The following LAMB4 variants were observed in gnomAD, a reference collection of about 807,000 sequenced individuals.
LAMB4 encodes the protein laminin subunit beta 4.
Under a neutral mutation model 199.2 loss-of-function variants are expected in LAMB4, and 196 were observed. The observed-to-expected ratio is 0.98, with a 90% CI of 0.88 to 1.11. The LOEUF is 1.11. LAMB4 is among the 50% of genes least tolerant of loss of function. LAMB4 has a pLI of 0.00. For missense variants in LAMB4, 2,080 were observed against 2,171.2 expected (o/e 0.96, Z 0.83); for synonymous variants, 744 against 770.6 (o/e 0.97, Z 0.57).
chr7:108,109,198 C>A lies in LAMB4; in HGVS notation c.375G>T (p.Arg125=). ...SIRLDLEALF[R]FSHLILTFKT... ...TAAAGGTCAGGATAAGGTGGCTGAA[C>A]CGAAATAATGCCTCTAAGTCCAGTC... Residue 125 remains arginine, a synonymous_variant, in exon 5 of 34, where the codon CGG becomes CGT. Coordinates refer to ENST00000388781, the MANE Select transcript of LAMB4 (RefSeq NM_007356.3). The A allele has an allele frequency of 6.2e-7, 1 of 1,613,514 alleles. No homozygotes were observed. Among genetic ancestry groups the A allele is most frequent in the Non-Finnish European group, 8.5e-7 (1 of 1,179,654 alleles).
rs1179414511 is a variant in LAMB4 at position 108,105,804 on chromosome 7, A to G, written c.870+13T>C. On this transcript the variant is annotated intron_variant, in intron 8 of 33. Coordinates refer to ENST00000388781, the MANE Select transcript of LAMB4 (RefSeq NM_007356.3). ...GTAGGACAGCCCACTGTTCTTTTGGATTAATAACTCACCATTCCAGGAGGG... is the reference window on the plus strand; with the variant it reads ...GTAGGACAGCCCACTGTTCTTTTGGGTTAATAACTCACCATTCCAGGAGGG... 1 of 1,612,776 alleles carries G rather than the reference A, an allele frequency of 6.2e-7. No homozygotes were observed. Among genetic ancestry groups the G allele is most frequent in the Admixed American group, 1.7e-5 (1 of 60,006 alleles).
chr7:108,088,391 T>C (rs912428691), intron 14 of LAMB4, among the ~76,000 whole-genome samples: 1 of 152,192 alleles, frequency 6.6e-6, no homozygotes, highest in Non-Finnish European at 1.5e-5. Context: ...CTCAAACTCC[T>C]GACCTCAGGT....
chr7:108,057,779 T>C, intron 24 of LAMB4, 53 bp downstream of exon 24: 2 of 1,168,458 alleles, frequency 1.7e-6, no homozygotes, highest in Non-Finnish European at 2.6e-6. Context: ...AGCATGTCCA[T>C]GGTAGGGCCA....
At chr7:108,024,705 C>T (rs916777627) in intron 33 of LAMB4, among the ~76,000 whole-genome samples, 15 of 151,832 alleles carry the variant, frequency 9.9e-5, no homozygotes, top group Non-Finnish European at 1.8e-4. Context: ...ACCCATCCAT[C>T]GATCCATTGA....
intron 11 of LAMB4, among the ~76,000 whole-genome samples, chr7:108,097,349 A>G (rs981266521): frequency 1.5e-4 from 23 of 152,178 alleles, no homozygotes; most frequent in Admixed American, 1.4e-3. Flanking sequence ...GGGTCTGCTC[A>G]TTTGGCCTTA....
At position 108,023,902 on chromosome 7, in the gene LAMB4, C is replaced by CAGGT; in HGVS notation, c.*133_*136dup. The CAGGT allele has an allele frequency of 1.8e-6, 1 of 542,264 alleles. No homozygotes were observed. 33.6% of individuals were successfully genotyped at this position (542,264 alleles called of 1,614,324 possible). On this transcript the variant is annotated 3_prime_UTR_variant, in exon 34 of 34. Transcript: ENST00000388781. ...CATTTCAACCTCCAGCCACACTGAG[C>CAGGT]AGGTGTCTAATAAGGACAGGGTGTG...
intron 6 of LAMB4, 52 bp from the exon 7 acceptor site, chr7:108,106,624 G>T: frequency 9.8e-7 from 1 of 1,018,888 alleles, no homozygotes; most frequent in Non-Finnish European, 1.5e-6. Flanking sequence ...AAACGTAATT[G>T]TCAAACACAC....
chr7:108,084,731 G>GT (rs974792313), intron 14 of LAMB4, among the ~76,000 whole-genome samples: 1 of 143,010 alleles, frequency 7.0e-6, no homozygotes, highest in Admixed American at 7.0e-5. Context: ...AACCAGACTT[G>GT]TTTTGAATGC....
At chr7:108,056,268 A>G (rs1281169333) in intron 24 of LAMB4, among the ~76,000 whole-genome samples, 2 of 152,208 alleles carry the variant, frequency 1.3e-5, no homozygotes, top group African/African-American at 4.8e-5. Flanking sequence ...GCAAGCATCT[A>G]CAAGTGGGAT....
chr7:108,070,295 T>A (rs1247987607), intron 17 of LAMB4, among the ~76,000 whole-genome samples: 1 of 152,266 alleles, frequency 6.6e-6, no homozygotes, highest in East Asian at 1.9e-4. Flanking sequence ...TTTTGCTTTA[T>A]CTGTCCTGAA....
chr7:108,018,393 C>T, the LAMB4 span, among the ~76,000 whole-genome samples: 3 of 152,134 alleles, frequency 2.0e-5, no homozygotes, highest in African/African-American at 7.2e-5. Flanking sequence ...ATGTCCTCTG[C>T]AGGGTTGTCG....
intron 1 of LAMB4, among the ~76,000 whole-genome samples, 164 bp downstream of exon 1, chr7:108,130,142 T>C (rs889213928): frequency 3.9e-5 from 6 of 152,228 alleles, no homozygotes; most frequent in Admixed American, 2.0e-4. Flanking sequence ...AGAACCTTTA[T>C]TTAAGTGTCA....
chr7:108,119,164 C>T (rs1026852395), intron 2 of LAMB4, among the ~76,000 whole-genome samples: 4 of 152,094 alleles, frequency 2.6e-5, no homozygotes, highest in African/African-American at 7.2e-5. Context: ...ATGTGAAGAT[C>T]CCGCATACCC....
chr7:108,107,323 C>T (rs1299478765), intron 6 of LAMB4, among the ~76,000 whole-genome samples: 1 of 152,206 alleles, frequency 6.6e-6, no homozygotes, highest in Non-Finnish European at 1.5e-5. Context: ...CAGGCTGCTG[C>T]TAGCTTACAT....
intron 1 of LAMB4, among the ~76,000 whole-genome samples, chr7:108,129,430 C>A (rs1186758190): frequency 2.0e-5 from 3 of 152,048 alleles, no homozygotes; most frequent in Non-Finnish European, 2.9e-5. Flanking sequence ...ATTTAACTTT[C>A]CTTTGTCTAA....
chr7:108,059,747 T>G (rs1339010364), intron 23 of LAMB4, among the ~76,000 whole-genome samples: 1 of 151,146 alleles, frequency 6.6e-6, no homozygotes, highest in Non-Finnish European at 1.5e-5. Context: ...TCCTCAGATT[T>G]TTCTCACAAG....
chr7:108,125,271 G>A (rs1392846362), intron 1 of LAMB4, among the ~76,000 whole-genome samples: 1 of 152,122 alleles, frequency 6.6e-6, no homozygotes, highest in East Asian at 1.9e-4. Flanking sequence ...TTTTCTCACA[G>A]GCAAGTCAGG....
chr7:108,012,199 A>AG, the LAMB4 span, among the ~76,000 whole-genome samples: 2 of 152,164 alleles, frequency 1.3e-5, no homozygotes, highest in South Asian at 4.1e-4. Context: ...ATAAAGTTCT[A>AG]GAAGGAGACA....
chr7:108,030,525 G>C (rs1380555748), intron 32 of LAMB4, among the ~76,000 whole-genome samples: 5 of 152,088 alleles, frequency 3.3e-5, no homozygotes, highest in Non-Finnish European at 5.9e-5. Flanking sequence ...TTGGAAGTTC[G>C]GGGCAAATTT....
Sources: gnomAD v4.1 joint callset for allele counts (sites outside exome capture counted in the v4.1 genomes callset) on GRCh38, gnomAD v4.1.1 for gene constraint, MANE v1.5 for transcripts, NCBI Gene and HGNC (gene_info 2026-07-23, HGNC 2026-07-21) for gene names.